Variants in DEPDC5 observed in about 807,000 individuals in gnomAD.
DEPDC5 encodes GATOR1 complex protein DEPDC5.
Under a neutral mutation model 217.3 loss-of-function variants are expected in DEPDC5, and 73 were observed. That is an observed-to-expected ratio of 0.34 (90% CI 0.28 to 0.41). The LOEUF is 0.41. Ranked by LOEUF, DEPDC5 falls within the 10% of genes least tolerant of loss-of-function variation. DEPDC5 has a pLI of 1.00. For synonymous variants in DEPDC5, 733 were observed against 756.7 expected (o/e 0.97, Z 0.51); for missense variants, 1,675 against 2,070.1 (o/e 0.81, Z 3.70).
intron 18 of DEPDC5, among the ~76,000 whole-genome samples, chr22:31,809,182 A>G (rs751393312): frequency 6.6e-6 from 1 of 152,160 alleles, no homozygotes; most frequent in Non-Finnish European, 1.5e-5. Context: ...GGTGATATAC[A>G]GAGTGCTCAG....
chr22:31,815,078 T>C lies in DEPDC5; in HGVS notation c.1532T>C (p.Leu511Pro). The C allele has an allele frequency of 6.2e-7, 1 of 1,614,194 alleles. No homozygotes were observed. Among genetic ancestry groups the C allele is most frequent in the South Asian group, 1.1e-5 (1 of 91,080 alleles). The change falls in exon 21 of 43, where the codon CTG becomes CCG. Residue 511 changes from leucine (L) to proline (P), a missense_variant. By Grantham distance (98) the Leu-to-Pro change is moderately conservative. Around this residue, in one of 11 missense-constraint regions of DEPDC5, gnomAD observed 628 missense variants for 762.1 expected, o/e 0.82. Transcript: ENST00000651528. ...AGCCCTTCCCTACCAAGCCGCACACTGCCCACTGAGGAAGTGAGGAGCCAG... is the reference window on the plus strand; with the variant it reads ...AGCCCTTCCCTACCAAGCCGCACACCGCCCACTGAGGAAGTGAGGAGCCAG... ...SSSPSLPSRT[L>P]PTEEVRSQAS... is the part of the protein sequence containing the mutation.
In DEPDC5 at chr22:31,822,808, TAATAGA is replaced by T. The variant is rs751869327; in HGVS notation, c.2104+19_2104+24del. ...TGGTGCAGGTAACCAATCCAAGAGG[TAATAGA>T]GTTGGGATGTTTAGATCAGGCTCAC... On this transcript the variant is annotated intron_variant, in intron 24 of 42. Transcript: ENST00000651528. 6.2e-7 allele frequency: 1 copy of T among 1,611,418 alleles called. No individual in the cohort carries two copies. The highest frequency in any genetic ancestry group is 2.2e-5 in the East Asian group (1 of 44,844).
intron 29 of DEPDC5, chr22:31,844,608 A>T (rs539366986): frequency 5.7e-6 from 1 of 175,698 alleles, no homozygotes; most frequent in African/African-American, 2.4e-5. Context: ...GATTGTGATG[A>T]TAGCCACAAA....
chr22:31,769,059 G>T (rs1157816932), intron 7 of DEPDC5, 196 bp downstream of exon 7: 1 of 517,450 alleles, frequency 1.9e-6, no homozygotes, highest in Non-Finnish European at 3.4e-6. Flanking sequence ...AGGAGATCAG[G>T]ACCATACTGG....
intron 6 of DEPDC5, among the ~76,000 whole-genome samples, chr22:31,767,547 G>A (rs749484690): frequency 1.3e-5 from 2 of 151,888 alleles, no homozygotes; most frequent in Non-Finnish European, 1.5e-5. Flanking sequence ...TGCCCGCCTC[G>A]GCCTCCCAAA....
At chr22:31,842,422 G>A (rs1030973377) in intron 27 of DEPDC5, among the ~76,000 whole-genome samples, 2 of 151,986 alleles carry the variant, frequency 1.3e-5, no homozygotes, top group African/African-American at 2.4e-5. Flanking sequence ...CTAAAAATAC[G>A]AAATTAGCCT....
intron 31 of DEPDC5, among the ~76,000 whole-genome samples, chr22:31,854,731 T>C (rs1226184814): frequency 6.6e-6 from 1 of 152,114 alleles, no homozygotes; most frequent in Non-Finnish European, 1.5e-5. Context: ...CCCAAATCCC[T>C]TGATGTAACT....
intron 33 of DEPDC5, among the ~76,000 whole-genome samples, chr22:31,869,106 C>T (rs575878360): frequency 2.6e-5 from 4 of 152,064 alleles, no homozygotes; most frequent in East Asian, 1.9e-4. Context: ...GGTATGGTGG[C>T]GCATGCCTGT....
intron 24 of DEPDC5, among the ~76,000 whole-genome samples, chr22:31,832,758 A>C (rs1162951973): frequency 6.6e-6 from 1 of 151,976 alleles, no homozygotes; most frequent in Non-Finnish European, 1.5e-5. Flanking sequence ...TCCTTTTCTC[A>C]TTGGGTTGTT....
intron 18 of DEPDC5, 49 bp downstream of exon 18, chr22:31,806,240 T>A (rs756165300): frequency 4.6e-6 from 7 of 1,522,382 alleles, no homozygotes; most frequent in Non-Finnish European, 6.3e-6. Flanking sequence ...TGGTCCAGTC[T>A]TATCTTGAGC....
intron 29 of DEPDC5, 61 bp downstream of exon 29, chr22:31,843,873 T>A: frequency 6.7e-7 from 1 of 1,487,236 alleles, no homozygotes; most frequent in Non-Finnish European, 9.1e-7. Flanking sequence ...TGTATGTGTA[T>A]TTTAACACTT....
At chr22:31,829,869 A>G (rs899721511) in intron 24 of DEPDC5, among the ~76,000 whole-genome samples, 1 of 152,196 alleles carries the variant, frequency 6.6e-6, no homozygotes, top group Non-Finnish European at 1.5e-5. Flanking sequence ...ACCATTTTAG[A>G]AGACTTGCTA....
chr22:31,836,655 A>G (rs1264445681), intron 25 of DEPDC5, among the ~76,000 whole-genome samples: 2 of 152,024 alleles, frequency 1.3e-5, no homozygotes, highest in Non-Finnish European at 2.9e-5. Context: ...GTGCTTCGAC[A>G]TGTAATTCTG....
intron 20 of DEPDC5, chr22:31,813,773 C>G (rs908266975): frequency 6.6e-6 from 1 of 151,750 alleles, no homozygotes; most frequent in Non-Finnish European, 1.5e-5. Context: ...CAGTTATCAC[C>G]ATGTTGTCAG....
At chr22:31,810,771 G>GT (rs1315390761) in intron 20 of DEPDC5, 130 bp downstream of exon 20, 2 of 1,444,702 alleles carry the variant, frequency 1.4e-6, no homozygotes, top group Admixed American at 4.6e-5. Context: ...TTGGTTTTTT[G>GT]TTTGTTTTGT....
At position 31,781,489 on chromosome 22, in the gene DEPDC5, G is replaced by A. The variant is rs1049308954; in HGVS notation, c.484-2418G>A. 2.0e-5 allele frequency among the ~76,000 whole-genome samples: 3 copies of A among 152,044 alleles called. No individual in the cohort carries two copies. In the East Asian group the frequency reaches 5.8e-4, roughly 29 times the overall value. On this transcript the variant is annotated intron_variant, in intron 8 of 42. Transcript: ENST00000651528. ...ACTGTGTTGCCTAGGCTGGAGTGCA[G>A]TGGCGTGATCTCGGCTCACTACAAC...
At chr22:31,815,277 T>C in intron 21 of DEPDC5, 65 bp downstream of exon 21, 1 of 1,564,936 alleles carries the variant, frequency 6.4e-7, no homozygotes, top group East Asian at 2.3e-5. Context: ...TGACTGGAGG[T>C]GGGAGGATTG....
At position 31,856,053 on chromosome 22, in the gene DEPDC5, G is replaced by T. The variant is rs539341366; in HGVS notation, c.3156-1392G>T. On this transcript the variant is annotated intron_variant, in intron 31 of 42. Coordinates refer to ENST00000651528, the MANE Select transcript of DEPDC5 (RefSeq NM_001242896.3). The stretch of plus-strand genomic sequence containing the variant: ...TGTGGGAGAGATGGGGAAGAAACCG[G>T]AGTGGGTGCCAAGAGAAGCTGGACT... Among the ~76,000 whole-genome samples, 71 of 152,054 alleles carry T rather than the reference G, an allele frequency of 4.7e-4. 1 individual carries two copies. Among genetic ancestry groups the T allele is most frequent in the African/African-American group, 1.6e-3 (65 of 41,430 alleles).
intron 30 of DEPDC5, among the ~76,000 whole-genome samples, chr22:31,845,963 T>C (rs1316737200): frequency 6.6e-6 from 1 of 151,828 alleles, no homozygotes; most frequent in Admixed American, 6.6e-5. Context: ...CACCTTAGGC[T>C]TCCAAGTAGC....
Sources: gnomAD v4.1 joint callset for allele counts (sites outside exome capture counted in the v4.1 genomes callset) on GRCh38, gnomAD v4.1.1 for gene constraint, gnomAD v4.1.1 regional missense constraint, MANE v1.5 for transcripts, NCBI Gene and HGNC (gene_info 2026-07-23, HGNC 2026-07-21) for gene names.